Variants in SOX6 observed in about 807,000 individuals in gnomAD.
SOX6 encodes the protein transcription factor SOX-6.
A neutral mutation model predicts 97.8 loss-of-function variants in SOX6; 11 were observed. The ratio of observed to expected loss-of-function variants is 0.11; its 90% CI spans 0.07 to 0.19. SOX6 has a LOEUF of 0.19. SOX6 is among the 10% of genes least tolerant of loss of function. SOX6 has a pLI of 1.00. For synonymous variants in SOX6, 360 were observed against 371.4 expected, an observed-to-expected ratio of 0.97 and a Z score of 0.35; for missense variants, 810 against 1,039.5, an observed-to-expected ratio of 0.78 and a Z score of 3.04.
At chr11:16,079,540 G>A (rs1848428996) in intron 9 of SOX6, among the ~76,000 whole-genome samples, 1 of 151,950 alleles carries the variant, frequency 6.6e-6, no homozygotes, top group African/African-American at 2.4e-5. Flanking sequence ...ATAATACATA[G>A]ATTTATTAAA....
chr11:16,506,190 G>C (rs1177750382), intron 4 of SOX6, among the ~76,000 whole-genome samples: 1 of 152,158 alleles, frequency 6.6e-6, no homozygotes, highest in Non-Finnish European at 1.5e-5. Context: ...CAGCTACAGG[G>C]GCTATATCCT....
intron 3 of SOX6, among the ~76,000 whole-genome samples, chr11:16,629,178 C>G (rs572343905): frequency 6.6e-6 from 1 of 152,132 alleles, no homozygotes; most frequent in Non-Finnish European, 1.5e-5. Flanking sequence ...TATTCCAGTT[C>G]TCAAGGGGAA....
chr11:16,040,196 C>T (rs1184520807), intron 12 of SOX6, among the ~76,000 whole-genome samples: 2 of 151,958 alleles, frequency 1.3e-5, no homozygotes, highest in Non-Finnish European at 2.9e-5. Flanking sequence ...ATATTTATTC[C>T]TACACCTACA....
chr11:16,637,728 G>C (rs1848812250), intron 3 of SOX6, among the ~76,000 whole-genome samples: 1 of 152,026 alleles, frequency 6.6e-6, no homozygotes, highest in Non-Finnish European at 1.5e-5. Context: ...GATATGTCTG[G>C]ATCCTAAGCT....
At chr11:16,017,748 G>C (rs1020526273) in intron 12 of SOX6, among the ~76,000 whole-genome samples, 2 of 152,058 alleles carry the variant, frequency 1.3e-5, no homozygotes, top group East Asian at 1.9e-4. Context: ...AAGCATCCAT[G>C]AGCATGCCCC....
chr11:16,139,845 C>A (rs1850080659), intron 6 of SOX6, among the ~76,000 whole-genome samples: 1 of 151,304 alleles, frequency 6.6e-6, no homozygotes, highest in Admixed American at 6.6e-5. Flanking sequence ...ACCACAAAGT[C>A]ACTTTGATAC....
chr11:16,216,856 C>A (rs1413241695), intron 4 of SOX6, among the ~76,000 whole-genome samples: 1 of 152,078 alleles, frequency 6.6e-6, no homozygotes, highest in Non-Finnish European at 1.5e-5. Context: ...AACAAGTATT[C>A]CAGTAAAATG....
At chr11:16,093,605 G>A (rs898971322) in intron 9 of SOX6, among the ~76,000 whole-genome samples, 1 of 151,834 alleles carries the variant, frequency 6.6e-6, no homozygotes, top group African/African-American at 2.4e-5. Flanking sequence ...GCAGTGGGGT[G>A]GGGGAGTATA....
chr11:16,149,749 T>C (rs2134054170), intron 6 of SOX6, among the ~76,000 whole-genome samples: 1 of 152,324 alleles, frequency 6.6e-6, no homozygotes, highest in South Asian at 2.1e-4. Flanking sequence ...GCAAGTGACT[T>C]AGAAAGGCAA....
intron 2 of SOX6, among the ~76,000 whole-genome samples, chr11:16,334,481 G>A (rs961642145): frequency 6.6e-6 from 1 of 151,310 alleles, no homozygotes; most frequent in Admixed American, 6.6e-5. Context: ...AGGCTGGAGT[G>A]CAGTGGCACA....
chr11:16,074,475 A>G (rs574232299), intron 9 of SOX6, among the ~76,000 whole-genome samples: 29 of 152,322 alleles, frequency 1.9e-4, no homozygotes, highest in African/African-American at 7.0e-4. Flanking sequence ...GAAAAATCCC[A>G]GGATTTACAG....
At chr11:16,466,533 A>C (rs1177415627) in intron 1 of SOX6, among the ~76,000 whole-genome samples, 1 of 152,196 alleles carries the variant, frequency 6.6e-6, no homozygotes, top group Non-Finnish European at 1.5e-5. Context: ...GAGTAAACAG[A>C]CAATCTACAG....
intron 2 of SOX6, among the ~76,000 whole-genome samples, chr11:16,336,955 G>T (rs1034776610): frequency 2.0e-5 from 3 of 152,078 alleles, no homozygotes; most frequent in African/African-American, 7.2e-5. Context: ...TCTTTTTAAA[G>T]CAGTAATTCT....
At chr11:16,439,825 G>T (rs1186629352) in intron 1 of SOX6, among the ~76,000 whole-genome samples, 4 of 152,138 alleles carry the variant, frequency 2.6e-5, no homozygotes, top group Non-Finnish European at 5.9e-5. Flanking sequence ...TGTAATTTCA[G>T]TTAAAGCTGC....
intron 3 of SOX6, among the ~76,000 whole-genome samples, chr11:16,675,223 C>T (rs1042606465): frequency 2.0e-5 from 3 of 152,210 alleles, no homozygotes; most frequent in Non-Finnish European, 4.4e-5. Context: ...TATTGTAGCT[C>T]TCTGCAACAT....
At chr11:16,200,391 G>T (rs1477796233) in intron 4 of SOX6, among the ~76,000 whole-genome samples, 2 of 152,166 alleles carry the variant, frequency 1.3e-5, no homozygotes, top group Non-Finnish European at 2.9e-5. Flanking sequence ...CCCCATTTGA[G>T]AATCCTGTTC....
At chr11:16,055,963 GA>G (rs1564929704) in intron 9 of SOX6, 62 bp from the exon 10 acceptor site, 1 of 1,569,948 alleles carries the variant, frequency 6.4e-7, no homozygotes, top group Non-Finnish European at 8.7e-7. Flanking sequence ...AGTTTCAAAA[GA>G]AAAAACTTAC....
chr11:16,425,147 C>T (rs1455967308), intron 1 of SOX6, among the ~76,000 whole-genome samples: 5 of 152,220 alleles, frequency 3.3e-5, no homozygotes, highest in Non-Finnish European at 7.3e-5. Flanking sequence ...TCCCCTTTAG[C>T]ATTTCTTTTT....
chr11:16,023,190 C>G (rs905351815), intron 12 of SOX6: 1 of 152,074 alleles, frequency 6.6e-6, no homozygotes, highest in Non-Finnish European at 1.5e-5. Flanking sequence ...CCCCTTTCCT[C>G]TAACACCAAA....
Sources: allele counts gnomAD v4.1 joint callset (sites outside exome capture counted in the v4.1 genomes callset), GRCh38; gene constraint gnomAD v4.1.1; transcripts MANE v1.5; gene names NCBI Gene and HGNC (gene_info 2026-07-23, HGNC 2026-07-21).